The following EML6 variants were observed in gnomAD, a reference collection of about 807,000 sequenced individuals.
EML6 encodes the protein EMAP like 6, also known as echinoderm microtubule-associated protein-like 6.
In EML6, 154 loss-of-function variants were observed where a neutral mutation model predicts 240.1. The observed-to-expected ratio is 0.64, with a 90% CI of 0.56 to 0.73. EML6 has a LOEUF of 0.73. Among genes scored for constraint, EML6 ranks in the 30% least tolerant of loss-of-function variants. The probability of loss-of-function intolerance (pLI) is 0.00; values close to 1 mark genes in which losing one functional copy is unlikely to be tolerated. For missense variants in EML6, 2,964 were observed against 2,474.6 expected, an observed-to-expected ratio of 1.20 and a Z score of -4.20; for synonymous variants, 1,148 against 899.0, an observed-to-expected ratio of 1.28 and a Z score of -4.95.
At chr2:54,790,289 A>G (rs1365232227) in intron 2 of EML6, among the ~76,000 whole-genome samples, 1 of 152,138 alleles carries the variant, frequency 6.6e-6, no homozygotes, top group African/African-American at 2.4e-5. Context: ...CTTCCCACAT[A>G]TGTATATATT....
rs1481421287 is a variant in EML6 at position 54,970,407 on chromosome 2, A to T, written c.*312A>T. The T allele has an allele frequency of 2.9e-6, 1 of 346,964 alleles. No homozygotes were observed. Among genetic ancestry groups the T allele is most frequent in the Non-Finnish European group, 5.3e-6 (1 of 187,894 alleles). The allele number at this position is 346,964 out of a possible 1,614,324, so 21.5% of individuals were successfully genotyped here. A position where few individuals can be genotyped will look rare whatever the true frequency, so the allele number is the denominator to read the frequency against. Reference sequence around the variant, plus strand: ...ATCTGATAATGTAGCCCGCTGACGAATTTTGAAGCCTCGGTTACCCTAACC... The same window carrying T: ...ATCTGATAATGTAGCCCGCTGACGATTTTTGAAGCCTCGGTTACCCTAACC... On this transcript the variant is annotated 3_prime_UTR_variant, in exon 42 of 42. Transcript: ENST00000356458.
chr2:54,955,699 T>A (rs1266966364), intron 32 of EML6, among the ~76,000 whole-genome samples: 1 of 152,132 alleles, frequency 6.6e-6, no homozygotes, highest in Non-Finnish European at 1.5e-5. Context: ...TCACCCAGGG[T>A]CCCTTCTGAC....
chr2:54,730,200 C>A (rs147824363), intron 2 of EML6, among the ~76,000 whole-genome samples: 153 of 151,722 alleles, frequency 1.0e-3, no homozygotes, highest in Middle Eastern at 3.4e-3. Flanking sequence ...GGAACAATGA[C>A]CTGAAACAAT....
chr2:54,842,369 A>G (rs1454989258), intron 7 of EML6, among the ~76,000 whole-genome samples: 1 of 152,204 alleles, frequency 6.6e-6, no homozygotes, highest in Admixed American at 6.5e-5. Context: ...TTAGTCAAAT[A>G]CTTCAAAGTA....
In EML6 at chr2:54,850,022, T is replaced by C. The variant is rs760399521; in HGVS notation, c.1248T>C (p.Phe416=). ...AAGAAGTCATTCATGAAATGAAATTTTCTCCAGATGGTTCTTACCTTGCAG... is the reference window on the plus strand; with the variant it reads ...AAGAAGTCATTCATGAAATGAAATTCTCTCCAGATGGTTCTTACCTTGCAG... ...DRKEVIHEMK[F]SPDGSYLAVG... is the part of the protein sequence containing the mutation. Residue 416 remains phenylalanine (F), a synonymous_variant, in exon 10 of 42, where the codon TTT becomes TTC. Coordinates refer to ENST00000356458, the MANE Select transcript of EML6 (RefSeq NM_001039753.4). 6 of 1,551,638 alleles carry C rather than the reference T, an allele frequency of 3.9e-6. No homozygotes were observed. The African/African-American group carries it at 6.8e-5, about 18-fold the overall frequency.
At chr2:54,969,975 G>T in intron 41 of EML6, 96 bp from the exon 42 acceptor site, 2 of 1,306,994 alleles carry the variant, frequency 1.5e-6, no homozygotes, top group Admixed American at 2.0e-5. Context: ...CATCACCCGA[G>T]CTTGACTTTT....
At chr2:54,824,905 A>G (rs986550761) in intron 5 of EML6, among the ~76,000 whole-genome samples, 1 of 152,218 alleles carries the variant, frequency 6.6e-6, no homozygotes, top group Non-Finnish European at 1.5e-5. Context: ...TTGCTACCCT[A>G]AACTGCCACT....
At chr2:54,803,614 G>A (rs2103986169) in intron 2 of EML6, among the ~76,000 whole-genome samples, 2 of 152,232 alleles carry the variant, frequency 1.3e-5, no homozygotes, top group African/African-American at 4.8e-5. Flanking sequence ...GCTGGTGAGG[G>A]AATTGTTAAG....
intron 36 of EML6, 134 bp downstream of exon 36, chr2:54,962,845 C>G (rs1016283724): frequency 2.0e-5 from 12 of 610,802 alleles, no homozygotes; most frequent in Middle Eastern, 4.4e-4. Context: ...GTTAGAAAAC[C>G]TAACGATAAA....
intron 2 of EML6, among the ~76,000 whole-genome samples, chr2:54,792,978 G>A (rs1232237749): frequency 6.6e-6 from 1 of 152,170 alleles, no homozygotes; most frequent in African/African-American, 2.4e-5. Flanking sequence ...TAAAGTTTTT[G>A]ATCTTTAGGC....
chr2:54,743,575 T>TATTA (rs1683760468), intron 2 of EML6, among the ~76,000 whole-genome samples: 1 of 152,182 alleles, frequency 6.6e-6, no homozygotes, highest in African/African-American at 2.4e-5. Flanking sequence ...ATGTTCTTTC[T>TATTA]ATTACATGGG....
At chr2:54,843,712 G>C (rs1441762360) in intron 7 of EML6, among the ~76,000 whole-genome samples, 2 of 151,948 alleles carry the variant, frequency 1.3e-5, no homozygotes, top group African/African-American at 4.8e-5. Flanking sequence ...GTGTGGTGGT[G>C]GGCATCTGTA....
At chr2:54,801,192 C>G (rs190838796) in intron 2 of EML6, among the ~76,000 whole-genome samples, 5 of 151,720 alleles carry the variant, frequency 3.3e-5, no homozygotes, top group Non-Finnish European at 4.4e-5. Flanking sequence ...TGGTGGTGGG[C>G]GCCTGTAGTC....
chr2:54,835,588 G>C (rs915056175), intron 7 of EML6, among the ~76,000 whole-genome samples: 2 of 152,188 alleles, frequency 1.3e-5, no homozygotes, highest in African/African-American at 4.8e-5. Context: ...AGAGCAGACT[G>C]GGGTAGGATA....
At chr2:54,811,092 T>C (rs1667820063) in intron 2 of EML6, among the ~76,000 whole-genome samples, 1 of 152,110 alleles carries the variant, frequency 6.6e-6, no homozygotes, top group Non-Finnish European at 1.5e-5. Context: ...TTGACTCTTC[T>C]TTATCCCCTC....
At chr2:54,811,618 C>T (rs1198722344) in intron 2 of EML6, among the ~76,000 whole-genome samples, 2 of 152,216 alleles carry the variant, frequency 1.3e-5, no homozygotes, top group East Asian at 1.9e-4. Context: ...CTGTCCCTGA[C>T]ATATCATAGG....
chr2:54,892,410 G>T (rs1672519187), intron 18 of EML6, 44 bp from the exon 19 acceptor site: 3 of 1,354,306 alleles, frequency 2.2e-6, no homozygotes. Flanking sequence ...CTTATAGGAA[G>T]TGCCAGATTT....
At chr2:54,841,502 C>G (rs1046494348) in intron 7 of EML6, among the ~76,000 whole-genome samples, 2 of 151,594 alleles carry the variant, frequency 1.3e-5, no homozygotes, top group East Asian at 1.9e-4. Flanking sequence ...TGATTAAGAT[C>G]AAGATTATAG....
intron 5 of EML6, 95 bp from the exon 6 acceptor site, chr2:54,827,471 C>G (rs1668651217): frequency 1.3e-5 from 13 of 1,022,982 alleles, no homozygotes; most frequent in Admixed American, 4.4e-5. Context: ...TTGGATAGAG[C>G]ACATTATGTG....
Sources: gnomAD v4.1 joint callset for allele counts (sites outside exome capture counted in the v4.1 genomes callset) on GRCh38, gnomAD v4.1.1 for gene constraint, MANE v1.5 for transcripts, NCBI Gene and HGNC (gene_info 2026-07-23, HGNC 2026-07-21) for gene names.